PRMT8: variants seen among roughly 807,000 people sequenced by gnomAD.
PRMT8 encodes protein arginine methyltransferase 8.
Under a neutral mutation model 47.1 loss-of-function variants are expected in PRMT8, and 7 were observed. The ratio of observed to expected loss-of-function variants is 0.15; its 90% CI spans 0.08 to 0.28. The LOEUF (loss-of-function observed/expected upper bound fraction) is 0.28. Ranked by LOEUF, PRMT8 falls within the 10% of genes least tolerant of loss-of-function variation. The pLI is 1.00. For synonymous variants in PRMT8, 188 were observed against 186.5 expected (o/e 1.01, Z -0.07); for missense variants, 237 against 505.4 (o/e 0.47, Z 5.09).
At chr12:3,443,463 C>A (rs997221141) in intron 1 of PRMT8, among the ~76,000 whole-genome samples, 2 of 152,162 alleles carry the variant, frequency 1.3e-5, no homozygotes, top group Non-Finnish European at 2.9e-5. Flanking sequence ...GTCTAACTCA[C>A]ATCCAATTCA....
intron 1 of PRMT8, among the ~76,000 whole-genome samples, chr12:3,454,029 T>C (rs1475797717): frequency 6.6e-6 from 1 of 152,138 alleles, no homozygotes; most frequent in South Asian, 2.1e-4. Context: ...GGCACAGCAA[T>C]GCGGGCGTCA....
intron 1 of PRMT8, among the ~76,000 whole-genome samples, chr12:3,497,123 G>A (rs763036516): frequency 6.6e-6 from 1 of 152,132 alleles, no homozygotes; most frequent in Non-Finnish European, 1.5e-5. Flanking sequence ...TTACACCTTG[G>A]AGTCTACTCT....
intron 1 of PRMT8, among the ~76,000 whole-genome samples, chr12:3,515,232 A>C (rs1865772277): frequency 1.3e-5 from 2 of 152,208 alleles, no homozygotes; most frequent in Admixed American, 1.3e-4. Flanking sequence ...GCTGCTCATT[A>C]GGATTGCTAG....
chr12:3,528,295 G>A (rs983231217), intron 1 of PRMT8, among the ~76,000 whole-genome samples: 1 of 151,826 alleles, frequency 6.6e-6, no homozygotes, highest in Non-Finnish European at 1.5e-5. Context: ...TTCATATTAG[G>A]CTATGTGAAG....
intron 1 of PRMT8, among the ~76,000 whole-genome samples, chr12:3,461,418 G>A (rs1265318174): frequency 6.6e-6 from 1 of 151,982 alleles, no homozygotes; most frequent in African/African-American, 2.4e-5. Context: ...TGTGTGTGAT[G>A]TCCCTCTCCC....
intron 1 of PRMT8, among the ~76,000 whole-genome samples, chr12:3,440,879 G>C (rs1212769161): frequency 6.6e-6 from 1 of 152,134 alleles, no homozygotes; most frequent in African/African-American, 2.4e-5. Flanking sequence ...AAACAATGAC[G>C]ATCTAATTGG....
rs115423785 is a variant in PRMT8, at chr12:3,421,689, G to A, written c.48+40247G>A. ...GAGTCCTCACCCTGGCTCCCCTCCC[G>A]GTTGACTGCCATCTCTGGGAAACAG... On this transcript the variant is annotated intron_variant, in intron 1 of 9. Coordinates refer to the PRMT8 transcript ENST00000452611. Among the ~76,000 whole-genome samples the A allele has an allele frequency of 4.5e-3, 690 of 152,296 alleles. 2 individuals carry two copies. The highest frequency in any genetic ancestry group is 0.014 in the African/African-American group (574 of 41,548).
At chr12:3,465,135 T>A (rs5796051) in intron 1 of PRMT8, among the ~76,000 whole-genome samples, 54,386 of 138,644 alleles carry the variant, frequency 0.39, 11,774 homozygotes, top group South Asian at 0.54. Context: ...AAAAAATATA[T>A]ATATATATAT....
At chr12:3,420,915 G>C (rs1013651569) in intron 1 of PRMT8, among the ~76,000 whole-genome samples, 1 of 152,196 alleles carries the variant, frequency 6.6e-6, no homozygotes, top group Non-Finnish European at 1.5e-5. Context: ...GCAGTTCCGT[G>C]GGGAAGGGTG....
chr12:3,458,103 A>C lies in PRMT8; in HGVS notation c.48+76661A>C, dbSNP rs886754322. Among the ~76,000 whole-genome samples, 11 of 152,138 alleles carry C rather than the reference A, an allele frequency of 7.2e-5. 1 individual carries two copies. Among genetic ancestry groups the C allele is most frequent in the African/African-American group, 2.7e-4 (11 of 41,442 alleles). ...TGATCCGCCCGCCTCGGCCTCCCAA[A>C]GCGCTGGGATTACAGGCGTGAGCAT... On this transcript the variant is annotated intron_variant, in intron 1 of 9. Transcript: ENST00000452611.
intron 7 of PRMT8, among the ~76,000 whole-genome samples, chr12:3,578,985 G>A (rs1489152744): frequency 6.6e-6 from 1 of 152,092 alleles, no homozygotes; most frequent in Non-Finnish European, 1.5e-5. Flanking sequence ...AGCCTTTTCT[G>A]GGTCCAGGCA....
At chr12:3,401,072 G>A (rs993952909) in intron 1 of PRMT8, among the ~76,000 whole-genome samples, 1 of 151,196 alleles carries the variant, frequency 6.6e-6, no homozygotes, top group East Asian at 1.9e-4. Context: ...GCTTGAACCT[G>A]GGAGGTGGAG....
At chr12:3,458,351 C>T (rs1261613242) in intron 1 of PRMT8, among the ~76,000 whole-genome samples, 2 of 152,194 alleles carry the variant, frequency 1.3e-5, no homozygotes, top group Non-Finnish European at 2.9e-5. Context: ...ACCAGAGAGC[C>T]AGGTGCTGAT....
chr12:3,588,858 A>C (rs1272776226), intron 8 of PRMT8, among the ~76,000 whole-genome samples: 1 of 152,220 alleles, frequency 6.6e-6, no homozygotes, highest in East Asian at 1.9e-4. Context: ...AGCCAGTTGT[A>C]CAATCTGGAT....
intron 1 of PRMT8, among the ~76,000 whole-genome samples, chr12:3,519,998 T>G (rs548372759): frequency 2.0e-5 from 3 of 152,326 alleles, no homozygotes; most frequent in South Asian, 4.1e-4. Context: ...GATGCCACTT[T>G]GCCATCTCTG....
chr12:3,388,708 C>T (rs940144682), intron 1 of PRMT8, among the ~76,000 whole-genome samples: 1 of 150,724 alleles, frequency 6.6e-6, no homozygotes, highest in East Asian at 1.9e-4. Context: ...TTTCAGCCCA[C>T]ATCAGGCTGT....
intron 1 of PRMT8, among the ~76,000 whole-genome samples, chr12:3,408,737 C>T (rs1448940335): frequency 2.6e-5 from 4 of 152,154 alleles, no homozygotes; most frequent in Non-Finnish European, 5.9e-5. Flanking sequence ...GAAAGACTCA[C>T]CTGCAGAGGG....
chr12:3,494,434 GT>G (rs1958323224), intron 1 of PRMT8, among the ~76,000 whole-genome samples: 1 of 152,218 alleles, frequency 6.6e-6, no homozygotes, highest in Non-Finnish European at 1.5e-5. Flanking sequence ...ATTGCTGAAA[GT>G]CTTCTGGTGG....
At chr12:3,505,565 G>A (rs1361157639) in intron 1 of PRMT8, among the ~76,000 whole-genome samples, 1 of 152,182 alleles carries the variant, frequency 6.6e-6, no homozygotes, top group Non-Finnish European at 1.5e-5. Flanking sequence ...CAGTCACTTT[G>A]TAAACATTGC....
Sources: allele counts gnomAD v4.1 joint callset (sites outside exome capture counted in the v4.1 genomes callset), GRCh38; gene constraint gnomAD v4.1.1; transcripts MANE v1.5; gene names NCBI Gene and HGNC (gene_info 2026-07-23, HGNC 2026-07-21).